The following USP33 variants were observed in gnomAD, a reference collection of about 807,000 sequenced individuals.
USP33 encodes the protein ubiquitin specific peptidase 33, also known as ubiquitin carboxyl-terminal hydrolase 33.
A neutral mutation model predicts 124.2 loss-of-function variants in USP33; 46 were observed. The ratio of observed to expected loss-of-function variants is 0.37; its 90% CI spans 0.29 to 0.47. USP33 has a LOEUF of 0.47. Ranked by LOEUF, USP33 falls within the 20% of genes least tolerant of loss-of-function variation. The pLI, the probability that USP33 is intolerant of heterozygous loss-of-function variation, is 0.99. For synonymous variants in USP33, 350 were observed against 352.3 expected (o/e 0.99, Z 0.07); for missense variants, 851 against 1,070.6 (o/e 0.79, Z 2.86).
In USP33 at chr1:77,731,079, T is replaced by C. The variant is rs1345615670; in HGVS notation, c.525-348A>G. On this transcript the variant is annotated intron_variant, in intron 7 of 23. Transcript: ENST00000370794. ...GCTCTTGAAACTCCTTTTCCCTCTC[T>C]ATTGCTCTTTTTGGCCTCAGACATG... is the stretch of plus-strand genomic sequence containing the variant. 5.9e-5 allele frequency among the ~76,000 whole-genome samples: 9 copies of C among 152,318 alleles called. 1 individual carries two copies. Among genetic ancestry groups the C allele is most frequent in the South Asian group, 4.1e-4 (2 of 4,820 alleles).
Position 77,741,367 on chromosome 1 carries a change from T to G in USP33, c.135+9A>C. On this transcript the variant is annotated intron_variant, in intron 3 of 23. Transcript: ENST00000370794. ...ATAGCAATCTTTTCAGGAAAAAACATATACACACCTCCAGACATGCCCAAA... is the reference window on the plus strand; with the variant it reads ...ATAGCAATCTTTTCAGGAAAAAACAGATACACACCTCCAGACATGCCCAAA... 1 of 1,595,124 alleles carries G rather than the reference T, an allele frequency of 6.3e-7. No homozygotes were observed. Among genetic ancestry groups the G allele is most frequent in the Non-Finnish European group, 8.5e-7 (1 of 1,174,934 alleles).
chr1:77,700,947 C>T (rs1673945620), intron 22 of USP33, among the ~76,000 whole-genome samples: 2 of 152,154 alleles, frequency 1.3e-5, no homozygotes, highest in Non-Finnish European at 2.9e-5. Context: ...GATCCACCCA[C>T]GTCAGCCTCC....
intron 1 of USP33, among the ~76,000 whole-genome samples, chr1:77,748,421 A>C (rs1269452088): frequency 6.6e-6 from 1 of 152,152 alleles, no homozygotes; most frequent in Non-Finnish European, 1.5e-5. Flanking sequence ...CTGTAATCCC[A>C]GCAATTTGGG....
chr1:77,718,926 CA>C (rs1049500513), intron 15 of USP33, among the ~76,000 whole-genome samples: 196 of 52,530 alleles, frequency 3.7e-3, no homozygotes, highest in East Asian at 0.011. Context: ...GACCCTGCCT[CA>C]AAAAAAAAAA....
At chr1:77,701,340 A>C in intron 22 of USP33, 29 bp downstream of exon 22, 4 of 1,432,208 alleles carry the variant, frequency 2.8e-6, no homozygotes, top group Non-Finnish European at 3.8e-6. Flanking sequence ...ATAATTTACC[A>C]AAAAAAAATT....
At chr1:77,748,979 T>C (rs774376460) in intron 1 of USP33, among the ~76,000 whole-genome samples, 2 of 152,202 alleles carry the variant, frequency 1.3e-5, no homozygotes, top group Non-Finnish European at 2.9e-5. Flanking sequence ...CAAGAACCAA[T>C]CTTCCATCAT....
At chr1:77,725,955 T>C (rs187653674) in intron 10 of USP33, among the ~76,000 whole-genome samples, 193 bp from the exon 11 acceptor site, 72 of 152,354 alleles carry the variant, frequency 4.7e-4, no homozygotes, top group African/African-American at 1.6e-3. Context: ...AATTTTTGTT[T>C]ACTTGTTTTT....
chr1:77,721,952 G>A (rs759230322), intron 13 of USP33, 27 bp from the exon 14 acceptor site: 2 of 1,601,480 alleles, frequency 1.2e-6, no homozygotes, highest in South Asian at 2.3e-5. Context: ...AGAAAAAAAA[G>A]GAAGTGTTCT....
intron 21 of USP33, among the ~76,000 whole-genome samples, chr1:77,710,711 G>C (rs1024833553): frequency 7.2e-5 from 11 of 152,088 alleles, no homozygotes; most frequent in African/African-American, 2.7e-4. Flanking sequence ...ATCTTATTTT[G>C]ATCTGCTCAA....
At chr1:77,737,054 GA>G (rs978186663) in intron 5 of USP33, among the ~76,000 whole-genome samples, 2 of 149,570 alleles carry the variant, frequency 1.3e-5, no homozygotes, top group Admixed American at 6.7e-5. Context: ...AAAAAAAAAC[GA>G]AAAAAACTTT....
At chr1:77,700,885 G>T (rs1331970596) in intron 22 of USP33, among the ~76,000 whole-genome samples, 1 of 152,004 alleles carries the variant, frequency 6.6e-6, no homozygotes, top group African/African-American at 2.4e-5. Flanking sequence ...ATTTTTAGTA[G>T]AGACAGGGTT....
chr1:77,707,042 G>T (rs994081502), intron 21 of USP33, among the ~76,000 whole-genome samples: 5 of 152,130 alleles, frequency 3.3e-5, no homozygotes, highest in Non-Finnish European at 7.4e-5. Flanking sequence ...TACAGTACTG[G>T]CTGCAATGAC....
rs148647023 is a variant in USP33 at position 77,706,027 on chromosome 1, T to C, written c.2407-4556A>G. On this transcript the variant is annotated intron_variant, in intron 21 of 23. Coordinates refer to ENST00000370794, the MANE Select transcript of USP33 (RefSeq NM_201624.3). ...GCTGAGTAGCATTTTATTATACAAC[T>C]ATAACACATTTTGTTTATCCATTTG... Among the ~76,000 whole-genome samples the C allele has an allele frequency of 1.6e-4, 24 of 152,356 alleles. No individual in the cohort carries two copies. In the East Asian group the frequency reaches 4.4e-3, roughly 28 times the overall value.
At chr1:77,731,837 G>C (rs2101483493) in intron 7 of USP33, among the ~76,000 whole-genome samples, 1 of 152,174 alleles carries the variant, frequency 6.6e-6, no homozygotes, top group Admixed American at 6.5e-5. Context: ...GGCATGGTTG[G>C]TCATGCCTGT....
At chr1:77,731,538 C>CTT (rs1233549511) in intron 7 of USP33, among the ~76,000 whole-genome samples, 2 of 143,010 alleles carry the variant, frequency 1.4e-5, no homozygotes. Context: ...CAAGTGTAAT[C>CTT]TTTTTTTTTT....
intron 14 of USP33, 124 bp downstream of exon 14, chr1:77,721,707 A>C (rs949397297): frequency 6.2e-6 from 5 of 807,248 alleles, no homozygotes; most frequent in Non-Finnish European, 5.9e-6. Context: ...ACCGAATGCC[A>C]ATATGTGAAT....
chr1:77,718,805 T>C (rs183573728), intron 15 of USP33, 164 bp from the exon 16 acceptor site: 25 of 564,596 alleles, frequency 4.4e-5, no homozygotes, highest in African/African-American at 2.9e-4. Flanking sequence ...GGCACATGCC[T>C]GTAGTCCCAG....
Position 77,711,727 on chromosome 1 carries a change from G to A in USP33, c.2406+20C>T. 6.3e-7 allele frequency: 1 copy of A among 1,596,736 alleles called. No individual in the cohort carries two copies. The highest frequency in any genetic ancestry group is 8.5e-7 in the Non-Finnish European group (1 of 1,176,098). On this transcript the variant is annotated intron_variant, in intron 21 of 23. Coordinates refer to ENST00000370794, the MANE Select transcript of USP33 (RefSeq NM_201624.3). The stretch of plus-strand genomic sequence containing the variant: ...CTTCATCTTTATCCTAGATCAATTT[G>A]AAAAGCATCACTTTTTTACCCGAAT...
chr1:77,732,501 TAA>T (rs1263262758), intron 7 of USP33, among the ~76,000 whole-genome samples: 2 of 152,144 alleles, frequency 1.3e-5, no homozygotes, highest in Admixed American at 6.6e-5. Flanking sequence ...TTTAAAAATA[TAA>T]GAGAGATTAT....
Sources: allele counts gnomAD v4.1 joint callset (sites outside exome capture counted in the v4.1 genomes callset), GRCh38; gene constraint gnomAD v4.1.1; transcripts MANE v1.5; gene names NCBI Gene and HGNC (gene_info 2026-07-23, HGNC 2026-07-21).